The following KLC1 variants were observed in gnomAD, a reference collection of about 807,000 sequenced individuals.
The protein encoded by KLC1 is kinesin light chain 1, also known as kinesin 2 60/70kDa.
Under a neutral mutation model 84.2 loss-of-function variants are expected in KLC1, and 30 were observed. The ratio of observed to expected loss-of-function variants is 0.36; its 90% CI spans 0.27 to 0.48. The LOEUF is 0.48. Ranked by LOEUF, KLC1 falls within the 20% of genes least tolerant of loss-of-function variation. The probability of loss-of-function intolerance (pLI) is 0.99; values close to 1 mark genes in which losing one functional copy is unlikely to be tolerated. For synonymous variants in KLC1, 289 were observed against 293.3 expected, an observed-to-expected ratio of 0.99 and a Z score of 0.15; for missense variants, 499 against 805.4, an observed-to-expected ratio of 0.62 and a Z score of 4.60.
At chr14:103,698,843 G>C in intron 15 of KLC1, 1 of 1,607,322 alleles carries the variant, frequency 6.2e-7, no homozygotes, top group African/African-American at 1.3e-5. Flanking sequence ...CTTCGGCACT[G>C]ATCGTGTAGG....
At chr14:103,685,142 T>C in intron 13 of KLC1, 1 of 1,472,994 alleles carries the variant, frequency 6.8e-7, no homozygotes, top group Non-Finnish European at 9.0e-7. Flanking sequence ...CTGTGGAAAT[T>C]AATTTTCTTT....
intron 1 of KLC1, among the ~76,000 whole-genome samples, chr14:103,640,405 G>GGCTGGAGT (rs555433549): frequency 0.017 from 2,570 of 150,748 alleles, 66 homozygotes; most frequent in African/African-American, 0.055. Context: ...CTGTCGCCCA[G>GGCTGGAGT]GCTGGAGTGC....
intron 3 of KLC1, among the ~76,000 whole-genome samples, chr14:103,659,211 C>T (rs983602728): frequency 6.2e-5 from 9 of 146,040 alleles, no homozygotes; most frequent in South Asian, 2.2e-4. Flanking sequence ...GTCATCCCCC[C>T]GCCTCGGCCT....
intron 1 of KLC1, among the ~76,000 whole-genome samples, chr14:103,644,982 T>C (rs1464007873): frequency 6.6e-6 from 1 of 151,868 alleles, no homozygotes; most frequent in African/African-American, 2.4e-5. Context: ...TCTCTCTCTT[T>C]CTTTCTTTTT....
In KLC1 at chr14:103,664,819, CTTT is replaced by C. The variant is rs34967823; in HGVS notation, c.797+1914_797+1916del. On this transcript the variant is annotated intron_variant, in intron 5 of 16. Transcript: ENST00000334553. ...CGTGAACCACTGCACTTGGCCAAGG[CTTT>C]TTTTTTTTTTTTTTTTTTTTTAAAC... Among the ~76,000 whole-genome samples the C allele has an allele frequency of 8.8e-3, 895 of 101,968 alleles. 7 individuals carry two copies. Among genetic ancestry groups the C allele is most frequent in the African/African-American group, 0.028 (737 of 26,628 alleles). 66.9% of individuals were successfully genotyped at this position (101,968 alleles called of 152,430 possible). A position where few individuals can be genotyped will look rare whatever the true frequency, so the allele number is the denominator to read the frequency against.
chr14:103,656,586 C>G (rs1450477475), intron 2 of KLC1, among the ~76,000 whole-genome samples: 1 of 152,170 alleles, frequency 6.6e-6, no homozygotes, highest in East Asian at 1.9e-4. Flanking sequence ...ACTGCCCACA[C>G]CCTGATTTTA....
intron 1 of KLC1, among the ~76,000 whole-genome samples, chr14:103,650,366 T>C (rs1245712599): frequency 6.6e-6 from 1 of 152,132 alleles, no homozygotes; most frequent in Non-Finnish European, 1.5e-5. Flanking sequence ...CACATCTTTA[T>C]TGCATGCCCG....
chr14:103,687,000 C>A, intron 13 of KLC1, 81 bp from the exon 14 acceptor site: 2 of 1,180,400 alleles, frequency 1.7e-6, no homozygotes, highest in Non-Finnish European at 1.2e-6. Context: ...CTTGGTGGAG[C>A]TCTTATTTGC....
chr14:103,699,246 C>T (rs989165390), intron 15 of KLC1: 5 of 1,540,490 alleles, frequency 3.2e-6, no homozygotes, highest in South Asian at 2.4e-5. Flanking sequence ...GCACAGGCTG[C>T]TACCCGCAGG....
rs2079349293 is a variant in KLC1, at chr14:103,662,179, G to C, written c.556G>C (p.Asp186His). 1.9e-6 allele frequency: 3 copies of C among 1,613,270 alleles called. No homozygotes were observed. The highest frequency in any genetic ancestry group is 2.5e-6 in the Non-Finnish European group (3 of 1,179,242). The change falls in exon 4 of 17, where the codon GAC becomes CAC. Residue 186 changes from aspartate to histidine, a missense_variant. Asp to His is a moderately conservative substitution (Grantham distance 81, BLOSUM62 -1). Transcript: ENST00000334553. Reference protein sequence around the residue: ...LDDLFPNDEDDPGQGIQQQHS... With the variant: ...LDDLFPNDEDHPGQGIQQQHS... The stretch of plus-strand genomic sequence containing the variant: ...TGACCTTTTCCCCAATGATGAAGAC[G>C]ACCCAGGGCAAGGAAGTGAGTGATG...
At chr14:103,652,786 C>T (rs1014888232) in intron 1 of KLC1, among the ~76,000 whole-genome samples, 6 of 152,160 alleles carry the variant, frequency 3.9e-5, no homozygotes, top group African/African-American at 1.2e-4. Flanking sequence ...CCACCGTGCC[C>T]GGTCGGCGTT....
chr14:103,688,349 C>A (rs2081909337), intron 14 of KLC1, among the ~76,000 whole-genome samples: 1 of 152,138 alleles, frequency 6.6e-6, no homozygotes, highest in African/African-American at 2.4e-5. Context: ...CGGGGTTTCA[C>A]CATGTTAGCC....
chr14:103,629,593 T>C (rs2076508290), intron 1 of KLC1, 99 bp downstream of exon 1: 1 of 152,098 alleles, frequency 6.6e-6, no homozygotes, highest in Non-Finnish European at 1.5e-5. Flanking sequence ...CGTAACTCTG[T>C]CCCCATCCAG....
intron 15 of KLC1, chr14:103,695,911 A>G (rs533024428): frequency 5.1e-6 from 5 of 985,378 alleles, no homozygotes; most frequent in Admixed American, 1.2e-4. Context: ...GAACCCTTCC[A>G]CCCAATAGAA....
At chr14:103,668,070 T>A (rs796249512) in intron 5 of KLC1, among the ~76,000 whole-genome samples, 1 of 152,250 alleles carries the variant, frequency 6.6e-6, no homozygotes, top group African/African-American at 2.4e-5. Flanking sequence ...AAATATTTTT[T>A]CAGTATACAT....
chr14:103,701,305 C>T lies in KLC1; in HGVS notation c.*106C>T, dbSNP rs980844376. On this transcript the variant is annotated 3_prime_UTR_variant, in exon 17 of 17. Transcript: ENST00000334553. ...GAGGGCCCCTGGCCGGGAGCCGCAGCGCTCACTCATTTCTCCTGCGTCTGT... is the reference window on the plus strand; with the variant it reads ...GAGGGCCCCTGGCCGGGAGCCGCAGTGCTCACTCATTTCTCCTGCGTCTGT... The T allele has an allele frequency of 1.5e-5, 18 of 1,231,956 alleles. No individual in the cohort carries two copies. The highest frequency in any genetic ancestry group is 3.9e-5 in the South Asian group (3 of 76,236). 76.3% of individuals were successfully genotyped at this position (1,231,956 alleles called of 1,614,324 possible). A position where few individuals can be genotyped will look rare whatever the true frequency, so the allele number is the denominator to read the frequency against.
rs2081754476 is a variant in KLC1 at position 103,686,013 on chromosome 14, T to C, written c.1651-1068T>C. The C allele has an allele frequency of 5.5e-6, 6 of 1,083,916 alleles. No individual in the cohort carries two copies. In the South Asian group the frequency reaches 1.6e-4, roughly 28 times the overall value. The allele number at this position is 1,083,916 out of a possible 1,614,324, so 67.1% of individuals were successfully genotyped here. ...GTGACCTGTTGACGTAACTAAGCCT[T>C]ACAGCAAGGCATGTGCCGCACGTGC... On this transcript the variant is annotated intron_variant, in intron 13 of 16. Transcript: ENST00000334553.
chr14:103,664,316 T>C (rs1194985180), intron 5 of KLC1, among the ~76,000 whole-genome samples: 1 of 151,890 alleles, frequency 6.6e-6, no homozygotes, highest in East Asian at 1.9e-4. Context: ...CATGCCTGGC[T>C]AACTTCTGTA....
intron 6 of KLC1, 63 bp from the exon 7 acceptor site, chr14:103,670,119 G>A (rs1015494951): frequency 1.9e-6 from 2 of 1,051,760 alleles, no homozygotes; most frequent in East Asian, 5.1e-5. Flanking sequence ...AATATGTGGT[G>A]TATAAATGTA....
Sources: allele counts gnomAD v4.1 joint callset (sites outside exome capture counted in the v4.1 genomes callset), GRCh38; gene constraint gnomAD v4.1.1; transcripts MANE v1.5; gene names NCBI Gene and HGNC (gene_info 2026-07-23, HGNC 2026-07-21).